CCDC102B: variants seen among roughly 807,000 people sequenced by gnomAD.
CCDC102B encodes the protein coiled-coil domain-containing protein 102B.
CCDC102B carries 75 observed loss-of-function variants against 57.4 expected under a neutral mutation model. The ratio of observed to expected loss-of-function variants is 1.31; its 90% CI spans 1.08 to 1.58. The LOEUF (loss-of-function observed/expected upper bound fraction) is 1.58. Among genes scored for constraint, CCDC102B ranks in the 40% most tolerant of loss-of-function variants. The pLI is 0.00. For missense variants in CCDC102B, 636 were observed against 582.6 expected (o/e 1.09, Z -0.94); for synonymous variants, 206 against 201.9 (o/e 1.02, Z -0.17).
chr18:69,012,309 T>C (rs931430080), intron 7 of CCDC102B, among the ~76,000 whole-genome samples: 5 of 152,172 alleles, frequency 3.3e-5, no homozygotes, highest in African/African-American at 1.2e-4. Flanking sequence ...AATAAATCTT[T>C]ATTTTTGTCA....
chr18:68,865,551 A>G (rs915854530), intron 4 of CCDC102B, among the ~76,000 whole-genome samples: 27 of 152,168 alleles, frequency 1.8e-4, no homozygotes, highest in African/African-American at 5.8e-4. Context: ...ATGGTTATTC[A>G]TAAATTAATC....
intron 6 of CCDC102B, among the ~76,000 whole-genome samples, chr18:68,975,436 A>G (rs998157517): frequency 2.0e-5 from 3 of 152,090 alleles, no homozygotes; most frequent in Admixed American, 1.3e-4. Context: ...GGCAGCTGGT[A>G]CAAGCTATAA....
intron 7 of CCDC102B, among the ~76,000 whole-genome samples, chr18:69,022,177 C>A (rs1383536838): frequency 1.4e-5 from 2 of 139,314 alleles, no homozygotes; most frequent in Admixed American, 7.6e-5. Context: ...ATTTATTAGA[C>A]CCATTATCCT....
At chr18:68,866,570 T>C (rs183357864) in intron 4 of CCDC102B, 20 of 224,932 alleles carry the variant, frequency 8.9e-5, no homozygotes, top group Admixed American at 3.2e-4. Flanking sequence ...GAGCCCAATT[T>C]AGCCCTCTGC....
chr18:68,856,946 T>C (rs991148111), intron 4 of CCDC102B, among the ~76,000 whole-genome samples: 2 of 145,632 alleles, frequency 1.4e-5, no homozygotes, highest in African/African-American at 5.1e-5. Context: ...TACACACACA[T>C]ACAGTCTATA....
In CCDC102B at chr18:69,033,693, T is replaced by C. The variant is rs577118771; in HGVS notation, c.1435-20337T>C. On this transcript the variant is annotated intron_variant, in intron 7 of 7. Coordinates refer to ENST00000360242, the MANE Select transcript of CCDC102B (RefSeq NM_024781.3). The stretch of plus-strand genomic sequence containing the variant: ...TTTACATCTTTTGGCATTATTTTTG[T>C]GTAGATGTATGTTTTTTTTTCCCTT... Among the ~76,000 whole-genome samples, 11 of 152,170 alleles carry C rather than the reference T, an allele frequency of 7.2e-5. No individual in the cohort carries two copies. In the South Asian group the frequency reaches 2.3e-3, roughly 32 times the overall value.
intron 2 of CCDC102B, among the ~76,000 whole-genome samples, chr18:68,790,003 T>A (rs1457274454): frequency 6.7e-6 from 1 of 149,532 alleles, no homozygotes; most frequent in Non-Finnish European, 1.5e-5. Flanking sequence ...TACAGATGGG[T>A]TTTTGGTGTG....
chr18:68,956,359 T>TATTA (rs2049855493), intron 6 of CCDC102B, among the ~76,000 whole-genome samples: 1 of 41,706 alleles, frequency 2.4e-5, no homozygotes, highest in Admixed American at 3.4e-4. Flanking sequence ...TTAATATATA[T>TATTA]AATATATATA....
intron 6 of CCDC102B, among the ~76,000 whole-genome samples, chr18:68,968,462 C>T (rs1478268165): frequency 6.6e-6 from 1 of 152,120 alleles, no homozygotes; most frequent in Non-Finnish European, 1.5e-5. Context: ...ATTCAAAATC[C>T]ATTTTAAGTC....
intron 4 of CCDC102B, among the ~76,000 whole-genome samples, chr18:68,856,102 T>C (rs748416719): frequency 6.6e-6 from 1 of 152,170 alleles, no homozygotes; most frequent in African/African-American, 2.4e-5. Context: ...TTTTACTTGA[T>C]AAAGTTAAAT....
chr18:69,027,562 T>G (rs943617642), intron 7 of CCDC102B, among the ~76,000 whole-genome samples: 1 of 152,228 alleles, frequency 6.6e-6, no homozygotes. Flanking sequence ...TATTAACATT[T>G]TTACTTTAAA....
chr18:68,838,495 A>T, intron 2 of CCDC102B: 1 of 984,588 alleles, frequency 1.0e-6, no homozygotes, highest in Non-Finnish European at 1.2e-6. Context: ...TGAGAAATGT[A>T]TTTTTTTTAT....
At chr18:69,011,715 T>A (rs1404653508) in intron 7 of CCDC102B, among the ~76,000 whole-genome samples, 3 of 152,092 alleles carry the variant, frequency 2.0e-5, no homozygotes, top group Non-Finnish European at 4.4e-5. Flanking sequence ...GTCTTAAATG[T>A]CACTGATTGT....
intron 1 of CCDC102B, among the ~76,000 whole-genome samples, chr18:68,804,939 G>A (rs2086079): frequency 1.3e-5 from 2 of 151,380 alleles, no homozygotes; most frequent in Admixed American, 1.3e-4. Context: ...CTAGAGAGAG[G>A]TACAAACTAG....
chr18:68,874,240 C>A (rs1442213665), intron 4 of CCDC102B, among the ~76,000 whole-genome samples: 1 of 147,382 alleles, frequency 6.8e-6, no homozygotes, highest in Non-Finnish European at 1.5e-5. Context: ...TTTCCATTGC[C>A]CAAGTTTGTC....
intron 1 of CCDC102B, among the ~76,000 whole-genome samples, chr18:68,815,677 TACAC>T (rs10592850): frequency 0.51 from 76,432 of 149,160 alleles, 20,759 homozygotes; most frequent in Non-Finnish European, 0.63. Flanking sequence ...TCCATTTACA[TACAC>T]ACACACACAC....
chr18:69,035,926 G>C (rs1020922535), intron 7 of CCDC102B, among the ~76,000 whole-genome samples: 5 of 152,026 alleles, frequency 3.3e-5, no homozygotes, highest in African/African-American at 9.7e-5. Flanking sequence ...TTCCAAGCTG[G>C]ATAGATTATA....
chr18:68,805,610 A>G (rs1208115394), intron 1 of CCDC102B, among the ~76,000 whole-genome samples: 1 of 152,148 alleles, frequency 6.6e-6, no homozygotes, highest in South Asian at 2.1e-4. Flanking sequence ...TAGCTAGGTC[A>G]AAAAAGAGAG....
intron 6 of CCDC102B, among the ~76,000 whole-genome samples, chr18:68,906,135 A>G (rs1051379700): frequency 6.6e-6 from 1 of 152,150 alleles, no homozygotes; most frequent in Admixed American, 6.5e-5. Context: ...TTCAAGGTTC[A>G]TGCACATTGT....
Sources: allele counts gnomAD v4.1 joint callset (sites outside exome capture counted in the v4.1 genomes callset), GRCh38; gene constraint gnomAD v4.1.1; transcripts MANE v1.5; gene names NCBI Gene and HGNC (gene_info 2026-07-23, HGNC 2026-07-21).